DAP: variants seen among roughly 807,000 people sequenced by gnomAD.
The protein encoded by DAP is death-associated protein 1.
A neutral mutation model predicts 13.8 loss-of-function variants in DAP; 8 were observed. The ratio of observed to expected loss-of-function variants is 0.58; its 90% CI spans 0.34 to 1.05. The LOEUF (loss-of-function observed/expected upper bound fraction) is 1.05. DAP is among the 50% of genes least tolerant of loss of function. The probability of loss-of-function intolerance (pLI) is 0.03; values close to 1 mark genes in which losing one functional copy is unlikely to be tolerated. For synonymous variants in DAP, 47 were observed against 47.5 expected (o/e 0.99, Z 0.04); for missense variants, 106 against 133.2 (o/e 0.80, Z 1.01).
Position 10,761,228 on chromosome 5 carries a change from T to C in DAP, c.-160A>G. 1 of 228,354 alleles carries C rather than the reference T, an allele frequency of 4.4e-6. No individual in the cohort carries two copies. Among genetic ancestry groups the C allele is most frequent in the Non-Finnish European group, 8.1e-6 (1 of 123,342 alleles). The allele number at this position is 228,354 out of a possible 1,614,324, so 14.1% of individuals were successfully genotyped here. ...GCCGCGCGAGCCGGGTGAGTGCCAC[T>C]GCCGTTAAGGGGGCGCGGCCGCCGC... is the stretch of plus-strand genomic sequence containing the variant. On this transcript the variant is annotated 5_prime_UTR_variant, in exon 1 of 4. Coordinates refer to ENST00000230895, the MANE Select transcript of DAP (RefSeq NM_004394.3).
chr5:10,733,190 GTGTGTGTGTGTGTGTGTA>G lies in DAP; in HGVS notation c.152+14967_152+14984del, dbSNP rs1206618369. On this transcript the variant is annotated intron_variant, in intron 2 of 3. Transcript: ENST00000230895. ...TGTGTGTGTGTGTGTGTGTGTGTGT[GTGTGTGTGTGTGTGTGTA>G]TACCCTACATTTTGTTTCTCCATTC... is the stretch of plus-strand genomic sequence containing the variant. Among the ~76,000 whole-genome samples the G allele has an allele frequency of 1.1e-3, 141 of 129,034 alleles. 1 individual carries two copies. Among genetic ancestry groups the G allele is most frequent in the East Asian group, 2.3e-3 (11 of 4,868 alleles). 84.7% of individuals were successfully genotyped at this position (129,034 alleles called of 152,430 possible).
chr5:10,685,294 C>A (rs963547865), intron 2 of DAP, among the ~76,000 whole-genome samples: 4 of 46,520 alleles, frequency 8.6e-5, no homozygotes, highest in Non-Finnish European at 1.4e-4. Context: ...CCTTTACGTA[C>A]ATGATTTAGC....
rs185066438 is a variant in DAP at position 10,685,375 on chromosome 5, C to T, written c.153-1804G>A. Among the ~76,000 whole-genome samples, 443 of 141,184 alleles carry T rather than the reference C, an allele frequency of 3.1e-3. 4 individuals carry two copies. Among genetic ancestry groups the T allele is most frequent in the African/African-American group, 0.012 (427 of 36,582 alleles). The allele number at this position is 141,184 out of a possible 152,430, so 92.6% of individuals were successfully genotyped here. ...TTAAAAGTCCCGCCACGTGGTATAA[C>T]TGAATTCATTTGGATTCTTAAAGCA... On this transcript the variant is annotated intron_variant, in intron 2 of 3. Coordinates refer to ENST00000230895, the MANE Select transcript of DAP (RefSeq NM_004394.3).
intron 2 of DAP, among the ~76,000 whole-genome samples, chr5:10,712,763 C>A (rs1008642789): frequency 6.6e-6 from 1 of 152,180 alleles, no homozygotes; most frequent in African/African-American, 2.4e-5. Context: ...GCGGGAATGC[C>A]CTTAGCTTCT....
intron 2 of DAP, among the ~76,000 whole-genome samples, chr5:10,700,742 G>C (rs571050465): frequency 6.6e-6 from 1 of 152,204 alleles, no homozygotes; most frequent in African/African-American, 2.4e-5. Flanking sequence ...GCCTTGCTGC[G>C]GCAAGAGGGT....
intron 2 of DAP, among the ~76,000 whole-genome samples, chr5:10,691,409 A>C (rs1439138609): frequency 6.6e-6 from 1 of 152,248 alleles, no homozygotes; most frequent in African/African-American, 2.4e-5. Context: ...AAAAACAGTT[A>C]CTAAACTCTT....
At chr5:10,687,344 T>G (rs990269901) in intron 2 of DAP, among the ~76,000 whole-genome samples, 2 of 152,214 alleles carry the variant, frequency 1.3e-5, no homozygotes, top group Non-Finnish European at 2.9e-5. Context: ...CACTGGTAGA[T>G]TTGGGCAAAG....
chr5:10,748,345 A>T, intron 1 of DAP, 74 bp from the exon 2 acceptor site: 1 of 1,279,736 alleles, frequency 7.8e-7, no homozygotes, highest in Non-Finnish European at 1.1e-6. Context: ...CCAGCTGGAA[A>T]GGTTCTGGTT....
In DAP at chr5:10,726,586, G is replaced by C. The variant is rs534821335; in HGVS notation, c.152+21589C>G. On this transcript the variant is annotated intron_variant, in intron 2 of 3. Coordinates refer to ENST00000230895, the MANE Select transcript of DAP (RefSeq NM_004394.3). ...GTGCCGGCCCCGGCCCAGGAGGCGGGGTTCTGACTGCTCTTCAGCCCCTGC... is the reference window on the plus strand; with the variant it reads ...GTGCCGGCCCCGGCCCAGGAGGCGGCGTTCTGACTGCTCTTCAGCCCCTGC... 9.2e-5 allele frequency among the ~76,000 whole-genome samples: 14 copies of C among 152,244 alleles called. No homozygotes were observed. In the South Asian group the frequency reaches 2.7e-3, roughly 29 times the overall value.
At chr5:10,690,558 T>C (rs1348228439) in intron 2 of DAP, among the ~76,000 whole-genome samples, 2 of 152,200 alleles carry the variant, frequency 1.3e-5, no homozygotes, top group Non-Finnish European at 2.9e-5. Flanking sequence ...ATACAGTACT[T>C]GTCTTTTTGT....
At chr5:10,722,372 A>G (rs1186445479) in intron 2 of DAP, among the ~76,000 whole-genome samples, 1 of 151,714 alleles carries the variant, frequency 6.6e-6, no homozygotes, top group East Asian at 1.9e-4. Flanking sequence ...CGAACATCGG[A>G]CTCCAAGTTC....
chr5:10,761,187 C>G lies in DAP; in HGVS notation c.-119G>C, dbSNP rs1431753889. 6.8e-6 allele frequency: 3 copies of G among 442,102 alleles called. No homozygotes were observed. Among genetic ancestry groups the G allele is most frequent in the African/African-American group, 4.3e-5 (2 of 46,612 alleles). 27.4% of individuals were successfully genotyped at this position (442,102 alleles called of 1,614,324 possible). ...CGAGCGGGCGGGAGAACGACGCGCG[C>G]GCGTGGGGCGCCGGGGCCGCGCGAG... On this transcript the variant is annotated 5_prime_UTR_variant, in exon 1 of 4. Transcript: ENST00000230895.
rs1181842047 is a variant in DAP at position 10,739,783 on chromosome 5, T to C, written c.152+8392A>G. Among the ~76,000 whole-genome samples, 438 of 84,552 alleles carry C rather than the reference T, an allele frequency of 5.2e-3. 1 individual carries two copies. Among genetic ancestry groups the C allele is most frequent in the African/African-American group, 0.021 (395 of 18,918 alleles). The allele number at this position is 84,552 out of a possible 152,430, so 55.5% of individuals were successfully genotyped here. A position where few individuals can be genotyped will look rare whatever the true frequency, so the allele number is the denominator to read the frequency against. ...CCCGGTTCAACTATAAATACTAAAT[T>C]AACTCACACACACACACACACACAC... On this transcript the variant is annotated intron_variant, in intron 2 of 3. Transcript: ENST00000230895.
At chr5:10,758,327 C>T (rs1231661766) in intron 1 of DAP, among the ~76,000 whole-genome samples, 1 of 151,222 alleles carries the variant, frequency 6.6e-6, no homozygotes, top group Non-Finnish European at 1.5e-5. Context: ...TCCTCTGTAA[C>T]ATCTAGGAAA....
intron 2 of DAP, among the ~76,000 whole-genome samples, chr5:10,699,203 C>T (rs531501756): frequency 1.3e-5 from 2 of 152,330 alleles, no homozygotes; most frequent in African/African-American, 4.8e-5. Flanking sequence ...TACCTACTTA[C>T]CTATCTGTCT....
At chr5:10,730,726 G>C (rs1208326024) in intron 2 of DAP, among the ~76,000 whole-genome samples, 28 of 90,414 alleles carry the variant, frequency 3.1e-4, no homozygotes, top group South Asian at 1.3e-3. Flanking sequence ...GAATCTTTCT[G>C]TACTGAGAGC....
At chr5:10,714,240 T>C (rs1738925466) in intron 2 of DAP, among the ~76,000 whole-genome samples, 1 of 152,204 alleles carries the variant, frequency 6.6e-6, no homozygotes, top group Non-Finnish European at 1.5e-5. Context: ...CACATCTTTA[T>C]CTCCACTGAC....
intron 1 of DAP, among the ~76,000 whole-genome samples, chr5:10,751,734 G>A (rs567780253): frequency 6.6e-6 from 1 of 152,296 alleles, no homozygotes; most frequent in Non-Finnish European, 1.5e-5. Flanking sequence ...CTCTATAAGA[G>A]AAAGAGACAC....
At chr5:10,704,624 C>A (rs1400182022) in intron 2 of DAP, among the ~76,000 whole-genome samples, 10 of 152,228 alleles carry the variant, frequency 6.6e-5, no homozygotes, top group African/African-American at 2.4e-4. Flanking sequence ...TTAAGTGAAA[C>A]CCTTGGCAAA....
Sources: allele counts gnomAD v4.1 joint callset (sites outside exome capture counted in the v4.1 genomes callset), GRCh38; gene constraint gnomAD v4.1.1; transcripts MANE v1.5; gene names NCBI Gene and HGNC (gene_info 2026-07-23, HGNC 2026-07-21).